Variants in ADGRG2 observed in about 807,000 individuals in gnomAD.
ADGRG2 encodes the protein G protein-coupled receptor 64.
ADGRG2 carries 26 observed loss-of-function variants against 74.1 expected under a neutral mutation model. That is an observed-to-expected ratio of 0.35 (90% CI 0.26 to 0.49). The LOEUF is 0.49. ADGRG2 is among the 20% of genes least tolerant of loss of function. The pLI is 0.99. For missense variants in ADGRG2, 619 were observed against 763.1 expected, an observed-to-expected ratio of 0.81 and a Z score of 2.22; for synonymous variants, 296 against 295.2, an observed-to-expected ratio of 1.00 and a Z score of -0.03.
At chrX:19,105,948 AAAGAAG>A (rs1245525827) in intron 1 of ADGRG2, among the ~76,000 whole-genome samples, 2 of 106,493 alleles carry the variant, frequency 1.9e-5, no homozygotes, top group Non-Finnish European at 3.9e-5. Flanking sequence ...AAAAAAAAAA[AAAGAAG>A]AAGAAGAAGA....
At chrX:19,119,700 G>A (rs140246065) in intron 1 of ADGRG2, among the ~76,000 whole-genome samples, 1,882 of 111,612 alleles carry the variant, frequency 0.017, 29 homozygotes, top group African/African-American at 0.049. Flanking sequence ...AACATATGTC[G>A]TGATGTCCTG....
chrX:19,031,201 TTTCATTTGTTG>T (rs1234300205), intron 8 of ADGRG2, 164 bp from the exon 9 acceptor site: 4 of 452,242 alleles, frequency 8.8e-6, no homozygotes, highest in Non-Finnish European at 1.5e-5. Flanking sequence ...AGAAATGAGT[TTTCATTTGTTG>T]GTCATTTGTC....
intron 23 of ADGRG2, 55 bp from the exon 24 acceptor site, chrX:19,003,169 CT>C (rs1191061843): frequency 1.8e-4 from 178 of 1,003,185 alleles, no homozygotes; most frequent in Middle Eastern, 3.5e-4. Context: ...AACCCTCCAA[CT>C]TTTTTTTGGT....
At chrX:19,009,912 G>T in intron 17 of ADGRG2, 130 bp from the exon 18 acceptor site, 1 of 459,024 alleles carries the variant, frequency 2.2e-6, no homozygotes, top group Non-Finnish European at 3.7e-6. Context: ...CTGGGTTCAA[G>T]CAATTCTACT....
chrX:19,022,568 T>C (rs762313198), intron 13 of ADGRG2, among the ~76,000 whole-genome samples: 1 of 111,752 alleles, frequency 8.9e-6, no homozygotes, highest in African/African-American at 3.3e-5. Flanking sequence ...AAGCCATCGG[T>C]TTACACAGCC....
At chrX:19,046,807 G>C (rs1239674642) in intron 3 of ADGRG2, among the ~76,000 whole-genome samples, 2 of 111,721 alleles carry the variant, frequency 1.8e-5, no homozygotes, top group African/African-American at 6.5e-5. Context: ...TCATGGAAGA[G>C]GCACAGCCCC....
At chrX:19,021,923 C>T in intron 13 of ADGRG2, among the ~76,000 whole-genome samples, 1 of 108,775 alleles carries the variant, frequency 9.2e-6, no homozygotes, top group East Asian at 3.2e-4. Flanking sequence ...GCTGGGATTA[C>T]AAGTGTGAGC....
chrX:19,035,879 ACAAG>A (rs1476544434), intron 7 of ADGRG2, 59 bp downstream of exon 7: 1 of 600,024 alleles, frequency 1.7e-6, no homozygotes, highest in East Asian at 3.5e-5. Context: ...AGTAGACTGC[ACAAG>A]CAAGACACTC....
At position 19,019,676 on chromosome X, in the gene ADGRG2, C is replaced by G; in HGVS notation, c.644-11G>C. On this transcript the variant is annotated splice_polypyrimidine_tract_variant and intron_variant, in intron 14 of 28. Coordinates refer to ENST00000379869, the MANE Select transcript of ADGRG2 (RefSeq NM_001079858.3). ...AACAGCAGCAGTGTTCTAGGAGAGA[C>G]AAAAGGAAAAGGAGTAAGAAAAATG... The G allele has an allele frequency of 3.7e-6, 4 of 1,087,068 alleles. No individual in the cohort carries two copies. The highest frequency in any genetic ancestry group is 5.1e-6 in the Non-Finnish European group (4 of 787,961). 89.6% of individuals were successfully genotyped at this position (1,087,068 alleles called of 1,213,427 possible).
intron 13 of ADGRG2, 75 bp downstream of exon 13, chrX:19,023,341 T>C: frequency 1.7e-6 from 1 of 594,339 alleles, no homozygotes; most frequent in Non-Finnish European, 2.7e-6. Flanking sequence ...ATTTGCAATT[T>C]AACTAAGACT....
At chrX:19,039,330 G>C (rs1382888619) in intron 4 of ADGRG2, 3 of 329,640 alleles carry the variant, frequency 9.1e-6, no homozygotes, top group African/African-American at 7.9e-5. Context: ...AGAACGAGGA[G>C]ATGTCTGAAG....
intron 3 of ADGRG2, among the ~76,000 whole-genome samples, chrX:19,046,554 T>C (rs2061192055): frequency 8.9e-6 from 1 of 112,504 alleles, no homozygotes. Context: ...ATGAAATCCT[T>C]AAGAAATCTC....
intron 6 of ADGRG2, among the ~76,000 whole-genome samples, chrX:19,036,819 T>A (rs1019100438): frequency 9.0e-6 from 1 of 111,509 alleles, no homozygotes; most frequent in Non-Finnish European, 1.9e-5. Context: ...TTTAGCTCCT[T>A]AGCCACCAAC....
At chrX:19,038,498 GA>G (rs750986040) in intron 4 of ADGRG2, among the ~76,000 whole-genome samples, 119 of 112,269 alleles carry the variant, frequency 1.1e-3, no homozygotes, top group African/African-American at 3.8e-3. Flanking sequence ...AATTACCAAG[GA>G]TATTTCTTGA....
intron 3 of ADGRG2, among the ~76,000 whole-genome samples, chrX:19,042,668 G>A (rs1439871703): frequency 1.8e-5 from 2 of 111,441 alleles, no homozygotes; most frequent in Non-Finnish European, 3.8e-5. Flanking sequence ...ATAGGCGTGG[G>A]CTTATAATCA....
intron 13 of ADGRG2, among the ~76,000 whole-genome samples, chrX:19,022,653 C>G (rs1217033787): frequency 8.9e-6 from 1 of 111,874 alleles, no homozygotes; most frequent in Non-Finnish European, 1.9e-5. Context: ...CTGTGATTCA[C>G]CCCTGTGTGC....
rs1361575190 is a variant in ADGRG2 at position 18,990,983 on chromosome X, C to A, written c.2935G>T (p.Asp979Tyr). 1.7e-6 allele frequency: 2 copies of A among 1,198,516 alleles called. No individual in the cohort carries two copies. The highest frequency in any genetic ancestry group is 3.5e-5 in the African/African-American group (2 of 56,927). ...AACATGTGCTGTTTTCCAGTGAAAT[C>A]GTGAAGGCACACATCTCCATTCTGA... Reference protein sequence around the residue: ...SVQNGDVCLHDFTGKQHMFNE... With the variant: ...SVQNGDVCLHYFTGKQHMFNE... The change falls in exon 29 of 29, where the codon GAT becomes TAT. Residue 979 changes from aspartate (D) to tyrosine (Y), a missense_variant. Around this residue, in one of 3 missense-constraint regions of ADGRG2, gnomAD observed 106 missense variants for 104.5 expected, o/e 1.01. Transcript: ENST00000379869.
chrX:19,051,351 G>A (rs2061318800), intron 3 of ADGRG2, among the ~76,000 whole-genome samples: 1 of 111,359 alleles, frequency 9.0e-6, no homozygotes, highest in South Asian at 3.8e-4. Context: ...TGGGATTATA[G>A]GTGTGAGCCA....
At position 19,036,003 on chromosome X, in the gene ADGRG2, A is replaced by G. The variant is rs779583346; in HGVS notation, c.227-26T>C. 1.4e-5 allele frequency: 11 copies of G among 805,654 alleles called. No homozygotes were observed. In the East Asian group the frequency reaches 3.5e-4, roughly 26 times the overall value. 66.4% of individuals were successfully genotyped at this position (805,654 alleles called of 1,213,427 possible). ...CTGAAATAAAATAATAAAAATTAGC[A>G]TAACTACTGGCATGGTTTACAAACA... On this transcript the variant is annotated intron_variant, in intron 6 of 28. Coordinates refer to ENST00000379869, the MANE Select transcript of ADGRG2 (RefSeq NM_001079858.3).
Sources: gnomAD v4.1 joint callset for allele counts (sites outside exome capture counted in the v4.1 genomes callset) on GRCh38, gnomAD v4.1.1 for gene constraint, gnomAD v4.1.1 regional missense constraint, MANE v1.5 for transcripts, NCBI Gene and HGNC (gene_info 2026-07-23, HGNC 2026-07-21) for gene names.